The following DCUN1D1 variants were observed in gnomAD, a reference collection of about 807,000 sequenced individuals.
DCUN1D1 encodes the protein defective in cullin neddylation 1 domain containing 1, also known as DCN1-like protein 1.
In DCUN1D1, 3 loss-of-function variants were observed where a neutral mutation model predicts 39.0. That is an observed-to-expected ratio of 0.08 (90% CI 0.04 to 0.20). DCUN1D1 has a LOEUF of 0.20. Among genes scored for constraint, DCUN1D1 ranks in the 10% least tolerant of loss-of-function variants. DCUN1D1 has a pLI of 1.00. For synonymous variants in DCUN1D1, 82 were observed against 96.3 expected, an observed-to-expected ratio of 0.85 and a Z score of 0.87; for missense variants, 158 against 302.4, an observed-to-expected ratio of 0.52 and a Z score of 3.54.
At chr3:182,975,329 A>G (rs1728169454) in intron 1 of DCUN1D1, among the ~76,000 whole-genome samples, 1 of 151,924 alleles carries the variant, frequency 6.6e-6, no homozygotes, top group East Asian at 1.9e-4. Context: ...GGCGCCTGCT[A>G]CCACATCCAG....
Position 182,947,330 on chromosome 3 carries a change from T to A in DCUN1D1, c.608A>T (p.His203Leu). 1 of 1,591,208 alleles carries A rather than the reference T, an allele frequency of 6.3e-7. No homozygotes were observed. The highest frequency in any genetic ancestry group is 1.4e-5 in the African/African-American group (1 of 74,042). Residue 203 changes from histidine (H) to leucine (L), a missense_variant, in exon 6 of 7, where the codon CAT (histidine) becomes CTT (leucine). Transcript: ENST00000292782. ...LDLWNKFLLEHHKRSIPKDTW... is the reference protein window; with the variant it reads ...LDLWNKFLLELHKRSIPKDTW... ...GTCTTTTGGTATTGATCGTTTATGATGTTCCTATTTAAAAAACAAAAACAA... is the reference window on the plus strand; with the variant it reads ...GTCTTTTGGTATTGATCGTTTATGAAGTTCCTATTTAAAAAACAAAAACAA...
At chr3:182,974,778 T>A (rs2108396411) in intron 1 of DCUN1D1, among the ~76,000 whole-genome samples, 1 of 146,210 alleles carries the variant, frequency 6.8e-6, no homozygotes, top group Non-Finnish European at 1.5e-5. Flanking sequence ...AAAAAAAAAC[T>A]AAATCCCATA....
At chr3:182,976,440 T>A (rs1326225188) in intron 1 of DCUN1D1, among the ~76,000 whole-genome samples, 1 of 93,076 alleles carries the variant, frequency 1.1e-5, no homozygotes, top group East Asian at 2.7e-4. Flanking sequence ...TACATATACA[T>A]ACATACACAC....
chr3:182,971,385 G>T (rs2108389307), intron 1 of DCUN1D1, among the ~76,000 whole-genome samples: 2 of 152,066 alleles, frequency 1.3e-5, no homozygotes, highest in East Asian at 3.9e-4. Context: ...GGCAGCACAG[G>T]AAGACCTCAT....
Position 182,944,453 on chromosome 3 carries a change from C to A in DCUN1D1, c.*641G>T, listed in dbSNP as rs1353076522. 1.3e-5 allele frequency: 2 copies of A among 152,262 alleles called. No individual in the cohort carries two copies. The allele number at this position is 152,262 out of a possible 1,614,324, so 9.4% of individuals were successfully genotyped here. ...GAAATCAAGAGTCTAAAACACAATACATTTTTCAGGTAGGCACCAAGTTAT... is the reference window on the plus strand; with the variant it reads ...GAAATCAAGAGTCTAAAACACAATAAATTTTTCAGGTAGGCACCAAGTTAT... On this transcript the variant is annotated 3_prime_UTR_variant, in exon 7 of 7. Transcript: ENST00000292782.
intron 6 of DCUN1D1, among the ~76,000 whole-genome samples, chr3:182,946,827 A>T (rs969900663): frequency 1.3e-5 from 2 of 152,194 alleles, no homozygotes; most frequent in African/African-American, 2.4e-5. Flanking sequence ...CATTAAAAAA[A>T]GCTTGGAGCT....
chr3:182,952,211 C>A (rs139356245), intron 4 of DCUN1D1, among the ~76,000 whole-genome samples: 58 of 152,276 alleles, frequency 3.8e-4, no homozygotes, highest in African/African-American at 1.3e-3. Flanking sequence ...CTGTCACTTC[C>A]TTCAGCTTCA....
At chr3:182,981,387 C>G (rs1728545502), upstream of DCUN1D1, among the ~76,000 whole-genome samples, 1 of 152,106 alleles carries the variant, frequency 6.6e-6, no homozygotes, top group Non-Finnish European at 1.5e-5. Context: ...TGTGACCTGC[C>G]CTGGGCGTTA....
At chr3:182,981,892 C>T (rs1728565993), upstream of DCUN1D1, among the ~76,000 whole-genome samples, 2 of 152,224 alleles carry the variant, frequency 1.3e-5, no homozygotes, top group Non-Finnish European at 2.9e-5. Context: ...GTGAATGTGC[C>T]AAGCTCCTTG....
intron 2 of DCUN1D1, among the ~76,000 whole-genome samples, chr3:182,964,635 CTTTTTTTTT>C (rs951243180): frequency 9.3e-6 from 1 of 107,488 alleles, no homozygotes; most frequent in Non-Finnish European, 1.9e-5. Flanking sequence ...TAACACCTTT[CTTTTTTTTT>C]TTTTTTTTTT....
chr3:182,962,955 T>C (rs1243020099), intron 3 of DCUN1D1, among the ~76,000 whole-genome samples: 2 of 152,140 alleles, frequency 1.3e-5, no homozygotes, highest in East Asian at 3.9e-4. Context: ...TAATTTTGTA[T>C]TTTTTGTAGA....
At chr3:182,975,175 AT>A (rs769384130) in intron 1 of DCUN1D1, among the ~76,000 whole-genome samples, 824 of 138,604 alleles carry the variant, frequency 5.9e-3, no homozygotes, top group African/African-American at 7.3e-3. Context: ...TTAACACAGA[AT>A]TTTTTTTTTT....
chr3:182,965,298 G>C (rs1727614635), intron 2 of DCUN1D1, among the ~76,000 whole-genome samples: 1 of 152,128 alleles, frequency 6.6e-6, no homozygotes, highest in African/African-American at 2.4e-5. Context: ...AGAAAAAACA[G>C]TTCCCCATCC....
intron 1 of DCUN1D1, among the ~76,000 whole-genome samples, chr3:182,974,580 C>T (rs1040552699): frequency 6.6e-6 from 1 of 151,428 alleles, no homozygotes; most frequent in Non-Finnish European, 1.5e-5. Flanking sequence ...ATAAATGATC[C>T]TTGAAAAATA....
chr3:182,950,454 A>G (rs1726657321), intron 4 of DCUN1D1, among the ~76,000 whole-genome samples: 1 of 151,836 alleles, frequency 6.6e-6, no homozygotes, highest in Non-Finnish European at 1.5e-5. Context: ...CCAAGTTATC[A>G]CTTATCTTTT....
chr3:182,947,711 C>T lies in DCUN1D1; in HGVS notation c.521-79G>A, dbSNP rs1577158428. The T allele has an allele frequency of 6.1e-6, 5 of 815,558 alleles. No homozygotes were observed. The East Asian group carries it at 1.3e-4, about 22-fold the overall frequency. The allele number at this position is 815,558 out of a possible 1,614,324, so 50.5% of individuals were successfully genotyped here. ...CAAAAATAACAAACAAACAAAAAAA[C>T]AGGTATGACCAAAGAAAGTCTAAAA... On this transcript the variant is annotated intron_variant, in intron 4 of 6. Coordinates refer to ENST00000292782, the MANE Select transcript of DCUN1D1 (RefSeq NM_020640.4).
At chr3:182,959,501 CAA>C (rs11373344) in intron 4 of DCUN1D1, among the ~76,000 whole-genome samples, 9 of 81,136 alleles carry the variant, frequency 1.1e-4, no homozygotes, top group Non-Finnish European at 1.3e-4. Flanking sequence ...CTTCAAAAAC[CAA>C]AAAAAAAAAA....
At position 182,980,479 on chromosome 3, in the gene DCUN1D1, T is replaced by A; in HGVS notation, c.3+8A>T. 1 of 1,208,386 alleles carries A rather than the reference T, an allele frequency of 8.3e-7. No individual in the cohort carries two copies. The highest frequency in any genetic ancestry group is 3.0e-5 in the Admixed American group (1 of 33,818). The allele number at this position is 1,208,386 out of a possible 1,614,324, so 74.9% of individuals were successfully genotyped here. A position where few individuals can be genotyped will look rare whatever the true frequency, so the allele number is the denominator to read the frequency against. On this transcript the variant is annotated splice_region_variant and intron_variant, in intron 1 of 6. Transcript: ENST00000292782. ...CGGCAGGGCGGGCGGGCGGCCGCAGTGCCTCACCATGTTGGTGTCCTCCAG... is the reference window on the plus strand; with the variant it reads ...CGGCAGGGCGGGCGGGCGGCCGCAGAGCCTCACCATGTTGGTGTCCTCCAG...
At chr3:182,985,809 G>T (rs931515636) in intron 1 of DCUN1D1, 3 of 152,190 alleles carry the variant, frequency 2.0e-5, no homozygotes, top group Non-Finnish European at 4.4e-5. Context: ...AAAGGAAAAT[G>T]GGAATATTCA....
Sources: allele counts gnomAD v4.1 joint callset (sites outside exome capture counted in the v4.1 genomes callset), GRCh38; gene constraint gnomAD v4.1.1; transcripts MANE v1.5; gene names NCBI Gene and HGNC (gene_info 2026-07-23, HGNC 2026-07-21).